SEPTIN11: variants seen among roughly 807,000 people sequenced by gnomAD.
SEPTIN11 encodes the protein septin 11, also known as septin-11.
In SEPTIN11, 25 loss-of-function variants were observed where a neutral mutation model predicts 51.4. The observed-to-expected ratio is 0.49, with a 90% CI of 0.35 to 0.68. SEPTIN11 has a LOEUF of 0.68. Ranked by LOEUF, SEPTIN11 falls within the 30% of genes least tolerant of loss-of-function variation. The pLI, the probability that SEPTIN11 is intolerant of heterozygous loss-of-function variation, is 0.00. For synonymous variants in SEPTIN11, 174 were observed against 184.1 expected, an observed-to-expected ratio of 0.95 and a Z score of 0.44; for missense variants, 381 against 520.8, an observed-to-expected ratio of 0.73 and a Z score of 2.61.
intron 1 of SEPTIN11, among the ~76,000 whole-genome samples, chr4:76,973,302 C>T (rs1205185733): frequency 6.6e-6 from 1 of 152,230 alleles, no homozygotes; most frequent in Admixed American, 6.5e-5. Flanking sequence ...CTTTTCCAGC[C>T]CCAGCCTTGT....
At chr4:76,993,058 GTAT>G (rs3070493) in intron 1 of SEPTIN11, among the ~76,000 whole-genome samples, 78,451 of 151,448 alleles carry the variant, frequency 0.52, 21,124 homozygotes, top group Middle Eastern at 0.62. Flanking sequence ...GAGGGAGGAA[GTAT>G]TAGAGAGGGT....
chr4:77,038,228 T>G lies in SEPTIN11; in HGVS notation c.*3716T>G, dbSNP rs1332701159. On this transcript the variant is annotated 3_prime_UTR_variant, in exon 10 of 10. Coordinates refer to ENST00000264893, the MANE Select transcript of SEPTIN11 (RefSeq NM_018243.4). ...TATGAAGGGAATTTTTTAAATAAAT[T>G]GAAAAGCTGTGAACAGCATTAGAAC... 1.0e-6 allele frequency: 1 copy of G among 985,624 alleles called. No homozygotes were observed. The allele number at this position is 985,624 out of a possible 1,614,324, so 61.1% of individuals were successfully genotyped here.
At chr4:77,034,377 T>G (rs1430698271) in intron 9 of SEPTIN11, 120 bp from the exon 10 acceptor site, 1 of 896,438 alleles carries the variant, frequency 1.1e-6, no homozygotes, top group African/African-American at 1.8e-5. Context: ...TTTCTGTCAA[T>G]TCCATAATCA....
At chr4:76,963,740 G>A (rs976460266) in intron 1 of SEPTIN11, among the ~76,000 whole-genome samples, 1 of 152,136 alleles carries the variant, frequency 6.6e-6, no homozygotes, top group Non-Finnish European at 1.5e-5. Flanking sequence ...TGCAGCTTAG[G>A]AATGTAGTCT....
intron 1 of SEPTIN11, 103 bp downstream of exon 1, chr4:76,950,033 C>CTG: frequency 2.5e-6 from 3 of 1,202,830 alleles, no homozygotes; most frequent in Non-Finnish European, 3.2e-6. Context: ...GTGCTCGGCC[C>CTG]CGCGGCGGCG....
At chr4:76,981,527 G>C (rs1722770282) in intron 1 of SEPTIN11, among the ~76,000 whole-genome samples, 1 of 152,212 alleles carries the variant, frequency 6.6e-6, no homozygotes, top group Non-Finnish European at 1.5e-5. Flanking sequence ...TTACACCTAG[G>C]TGGATGCTTC....
At chr4:76,962,853 C>T (rs751641765) in intron 1 of SEPTIN11, among the ~76,000 whole-genome samples, 5 of 152,102 alleles carry the variant, frequency 3.3e-5, no homozygotes, top group Admixed American at 6.5e-5. Context: ...TCACATACCC[C>T]ACATGGGATA....
intron 1 of SEPTIN11, among the ~76,000 whole-genome samples, chr4:76,977,696 G>A (rs1722566782): frequency 6.6e-6 from 1 of 151,162 alleles, no homozygotes; most frequent in East Asian, 1.9e-4. Context: ...GAGTGAGTCT[G>A]GGGATGTCCT....
In SEPTIN11 at chr4:76,966,653, G is replaced by A. The variant is rs1036402044; in HGVS notation, c.27+16723G>A. 7.2e-5 allele frequency among the ~76,000 whole-genome samples: 11 copies of A among 152,102 alleles called. 1 individual carries two copies. The highest frequency in any genetic ancestry group is 1.7e-4 in the African/African-American group (7 of 41,490). On this transcript the variant is annotated intron_variant, in intron 1 of 9. Coordinates refer to ENST00000264893, the MANE Select transcript of SEPTIN11 (RefSeq NM_018243.4). ...GAGGAAGATAGATCACTTGAGCCCA[G>A]GAGGTTGAGACCAGCCCCGGCAACA...
intron 2 of SEPTIN11, among the ~76,000 whole-genome samples, chr4:76,997,451 TG>T (rs952404966): frequency 2.0e-5 from 3 of 152,278 alleles, no homozygotes; most frequent in Admixed American, 2.0e-4. Context: ...TTATGGAAGT[TG>T]GGGGGAGTGC....
Position 77,037,119 on chromosome 4 carries a change from T to C in SEPTIN11, c.*2607T>C, listed in dbSNP as rs1727085767. 1 of 995,858 alleles carries C rather than the reference T, an allele frequency of 1.0e-6. No homozygotes were observed. Among genetic ancestry groups the C allele is most frequent in the Admixed American group, 5.3e-5 (1 of 18,800 alleles). The allele number at this position is 995,858 out of a possible 1,614,324, so 61.7% of individuals were successfully genotyped here. A position where few individuals can be genotyped will look rare whatever the true frequency, so the allele number is the denominator to read the frequency against. On this transcript the variant is annotated 3_prime_UTR_variant, in exon 10 of 10. Transcript: ENST00000264893. ...GCTCATGCCTGTAATCCCAGCACTT[T>C]GAGAGGCCGAGGTGGGCAGATCACT...
intron 1 of SEPTIN11, among the ~76,000 whole-genome samples, chr4:76,994,966 ATGCC>A (rs1723593815): frequency 7.8e-6 from 1 of 127,512 alleles, no homozygotes; most frequent in Non-Finnish European, 1.5e-5. Context: ...GTGGTGGCAC[ATGCC>A]TGTAGTCACA....
intron 9 of SEPTIN11, among the ~76,000 whole-genome samples, chr4:77,032,861 G>C (rs1212881647): frequency 6.6e-6 from 1 of 152,136 alleles, no homozygotes; most frequent in Non-Finnish European, 1.5e-5. Context: ...CCAGTGTAGG[G>C]AGGTTTTTCC....
chr4:77,019,608 A>G (rs79325784), intron 6 of SEPTIN11, among the ~76,000 whole-genome samples: 1 of 152,222 alleles, frequency 6.6e-6, no homozygotes, highest in Non-Finnish European at 1.5e-5. Context: ...AGTTTCTTGC[A>G]AACAAGAGGG....
intron 1 of SEPTIN11, among the ~76,000 whole-genome samples, chr4:76,977,083 T>C (rs1722536104): frequency 1.3e-5 from 2 of 152,234 alleles, no homozygotes; most frequent in African/African-American, 4.8e-5. Flanking sequence ...AAAGCATTTT[T>C]GGTGGGAGAG....
chr4:76,971,865 A>G (rs1722262062), intron 1 of SEPTIN11, among the ~76,000 whole-genome samples: 1 of 152,218 alleles, frequency 6.6e-6, no homozygotes. Flanking sequence ...TAAAATGCCA[A>G]ATGGTTGTCA....
At chr4:76,959,128 G>A in intron 1 of SEPTIN11, 1 of 599,170 alleles carries the variant, frequency 1.7e-6, no homozygotes, top group Non-Finnish European at 3.2e-6. Context: ...CGGTGTCCAA[G>A]GCTTCCTGAA....
chr4:76,961,789 G>A (rs1294882544), intron 1 of SEPTIN11, among the ~76,000 whole-genome samples: 4 of 152,174 alleles, frequency 2.6e-5, no homozygotes, highest in African/African-American at 9.6e-5. Flanking sequence ...AGTCAAAATC[G>A]TAAGTTGAAC....
At chr4:76,999,449 C>T (rs1470803680) in intron 2 of SEPTIN11, among the ~76,000 whole-genome samples, 4 of 152,282 alleles carry the variant, frequency 2.6e-5, no homozygotes, top group Admixed American at 2.6e-4. Flanking sequence ...CTCCCTTCCT[C>T]TTACTGCCCA....
Sources: gnomAD v4.1 joint callset for allele counts (sites outside exome capture counted in the v4.1 genomes callset) on GRCh38, gnomAD v4.1.1 for gene constraint, MANE v1.5 for transcripts, NCBI Gene and HGNC (gene_info 2026-07-23, HGNC 2026-07-21) for gene names.